Variants in CYTH3 observed in about 807,000 individuals in gnomAD.
CYTH3 encodes cytohesin 3, also known as cytohesin-3.
Under a neutral mutation model 55.1 loss-of-function variants are expected in CYTH3, and 23 were observed. That is an observed-to-expected ratio of 0.42 (90% CI 0.30 to 0.59). The LOEUF is 0.59. CYTH3 is among the 20% of genes least tolerant of loss of function. The pLI, the probability that CYTH3 is intolerant of heterozygous loss-of-function variation, is 0.20. For missense variants in CYTH3, 413 were observed against 524.8 expected, an observed-to-expected ratio of 0.79 and a Z score of 2.08; for synonymous variants, 249 against 194.9, an observed-to-expected ratio of 1.28 and a Z score of -2.31.
In CYTH3 at chr7:6,177,906, C is replaced by G. The variant is rs1445189514; in HGVS notation, c.285G>C (p.Gln95His). 6.2e-7 allele frequency: 1 copy of G among 1,614,156 alleles called. No homozygotes were observed. Among genetic ancestry groups the G allele is most frequent in the East Asian group, 2.2e-5 (1 of 44,884 alleles). The change falls in exon 5 of 13, where the codon CAG becomes CAC. Residue 95 changes from glutamine to histidine, a missense_variant. Around this residue, in one of 4 missense-constraint regions of CYTH3, gnomAD observed 152 missense variants for 148.1 expected, o/e 1.03. Transcript: ENST00000350796. ...IQFLIENDLL[Q>H]SSPEDVAQFL... Reference sequence around the variant, plus strand: ...ACTGGGCGACGTCTTCTGGGGAACTCTGTAGCAGGTCATTTTCTATTAGAA... The same window carrying G: ...ACTGGGCGACGTCTTCTGGGGAACTGTGTAGCAGGTCATTTTCTATTAGAA...
At chr7:6,194,834 G>C (rs1332909455) in intron 1 of CYTH3, among the ~76,000 whole-genome samples, 1 of 152,062 alleles carries the variant, frequency 6.6e-6, no homozygotes, top group African/African-American at 2.4e-5. Context: ...AATTAGCTGG[G>C]TGCCGTGGCG....
At chr7:6,232,674 G>T (rs1779416715) in intron 1 of CYTH3, among the ~76,000 whole-genome samples, 1 of 152,184 alleles carries the variant, frequency 6.6e-6, no homozygotes, top group Non-Finnish European at 1.5e-5. Context: ...AGCAGCCACT[G>T]GGCAACCTCA....
intron 1 of CYTH3, among the ~76,000 whole-genome samples, chr7:6,243,147 TAA>T (rs1779716936): frequency 6.6e-6 from 1 of 152,228 alleles, no homozygotes; most frequent in Admixed American, 6.5e-5. Context: ...CTCTCTGCCC[TAA>T]GTCTGGCCTG....
At chr7:6,188,232 C>G (rs755807093) in intron 2 of CYTH3, among the ~76,000 whole-genome samples, 1 of 151,838 alleles carries the variant, frequency 6.6e-6, no homozygotes, top group Non-Finnish European at 1.5e-5. Context: ...ACTAGAGAGG[C>G]TGAGGAGGGA....
At chr7:6,220,990 C>T (rs1784537318) in intron 1 of CYTH3, among the ~76,000 whole-genome samples, 1 of 150,422 alleles carries the variant, frequency 6.6e-6, no homozygotes, top group African/African-American at 2.4e-5. Context: ...AGTGAGACCC[C>T]TTCTCCAAAA....
chr7:6,247,838 G>A (rs534889171), intron 1 of CYTH3, among the ~76,000 whole-genome samples: 1 of 151,902 alleles, frequency 6.6e-6, no homozygotes, highest in Admixed American at 6.6e-5. Context: ...TTTTTGTAGA[G>A]ACGGAGGGCT....
intron 1 of CYTH3, among the ~76,000 whole-genome samples, chr7:6,264,591 G>A (rs1780438000): frequency 6.6e-6 from 1 of 152,304 alleles, no homozygotes; most frequent in African/African-American, 2.4e-5. Flanking sequence ...CAGCCTGGGT[G>A]ACAGAGTGAG....
chr7:6,168,108 CTCTG>C (rs576085831), intron 9 of CYTH3, among the ~76,000 whole-genome samples: 86 of 152,286 alleles, frequency 5.6e-4, no homozygotes, highest in African/African-American at 2.0e-3. Flanking sequence ...GCCACTTTCT[CTCTG>C]TAAGTTTCTG....
At chr7:6,271,645 C>A (rs1203255050) in intron 1 of CYTH3, among the ~76,000 whole-genome samples, 1 of 152,132 alleles carries the variant, frequency 6.6e-6, no homozygotes, top group Non-Finnish European at 1.5e-5. Context: ...CATTTGTATT[C>A]CACTAAATAA....
At chr7:6,244,536 C>A (rs932412003) in intron 1 of CYTH3, among the ~76,000 whole-genome samples, 8 of 152,332 alleles carry the variant, frequency 5.3e-5, no homozygotes, top group Non-Finnish European at 8.8e-5. Flanking sequence ...ACAATCATGG[C>A]TCACTGCAGC....
intron 1 of CYTH3, among the ~76,000 whole-genome samples, chr7:6,256,588 T>G (rs1780130325): frequency 2.0e-5 from 3 of 152,156 alleles, no homozygotes; most frequent in African/African-American, 7.2e-5. Flanking sequence ...CAGACTCCTC[T>G]CCTGAGAAGG....
Position 6,170,332 on chromosome 7 carries a change from G to A in CYTH3, c.823+203C>T, listed in dbSNP as rs1161831112. Reference sequence around the variant, plus strand: ...TGCAGCCTGGGCGCTACTCTCTGCCGCGGGCATGGCTCTGAGGCCCCGGCT... The same window carrying A: ...TGCAGCCTGGGCGCTACTCTCTGCCACGGGCATGGCTCTGAGGCCCCGGCT... On this transcript the variant is annotated intron_variant, in intron 9 of 12. Transcript: ENST00000350796. The surrounding 1 kb of genome is among the most constrained non-coding windows in gnomAD (Gnocchi z 7.8). 2.1e-5 allele frequency: 12 copies of A among 580,198 alleles called. No homozygotes were observed. The highest frequency in any genetic ancestry group is 1.3e-4 in the South Asian group (6 of 46,710). 35.9% of individuals were successfully genotyped at this position (580,198 alleles called of 1,614,324 possible).
intron 1 of CYTH3, among the ~76,000 whole-genome samples, chr7:6,201,340 C>G (rs887761740): frequency 1.3e-5 from 2 of 152,192 alleles, no homozygotes; most frequent in Non-Finnish European, 2.9e-5. Flanking sequence ...AGGAAAGCCG[C>G]AGAGGCTCCA....
chr7:6,171,154 C>A lies in CYTH3; in HGVS notation c.562+48G>T. On this transcript the variant is annotated intron_variant, in intron 7 of 12. Transcript: ENST00000350796. The surrounding 1 kb of genome is among the most constrained non-coding windows in gnomAD (Gnocchi z 6.7). ...CCCACAGGGGCCGCCCCCTCCAGAG[C>A]TGGAGGCTGTGCCTGGCAAGGGGCC... The A allele has an allele frequency of 1.2e-6, 2 of 1,607,750 alleles. No homozygotes were observed. Among genetic ancestry groups the A allele is most frequent in the South Asian group, 2.2e-5 (2 of 90,930 alleles).
At chr7:6,213,191 G>C (rs1171195961) in intron 1 of CYTH3, among the ~76,000 whole-genome samples, 1 of 152,206 alleles carries the variant, frequency 6.6e-6, no homozygotes. Flanking sequence ...GATATCTGCT[G>C]AATTATCAGA....
At chr7:6,215,400 C>A (rs1784404235) in intron 1 of CYTH3, among the ~76,000 whole-genome samples, 1 of 152,090 alleles carries the variant, frequency 6.6e-6, no homozygotes, top group African/African-American at 2.4e-5. Flanking sequence ...ACCATCCTGG[C>A]TAACACAGTG....
rs1365555279 is a variant in CYTH3, at chr7:6,162,929, C to G, written c.*2015G>C. The G allele has an allele frequency of 6.6e-6, 1 of 152,618 alleles. No individual in the cohort carries two copies. 9.5% of individuals were successfully genotyped at this position (152,618 alleles called of 1,614,324 possible). A position where few individuals can be genotyped will look rare whatever the true frequency, so the allele number is the denominator to read the frequency against. Reference sequence around the variant, plus strand: ...CCGGGCCAGCCTGAGGGGTGGGCACCGCCGGAGCCGGCCGTCAGTGTGTGG... The same window carrying G: ...CCGGGCCAGCCTGAGGGGTGGGCACGGCCGGAGCCGGCCGTCAGTGTGTGG... On this transcript the variant is annotated 3_prime_UTR_variant, in exon 13 of 13. Transcript: ENST00000350796.
chr7:6,165,815 A>C lies in CYTH3; in HGVS notation c.824-5T>G. 2 of 1,613,896 alleles carry C rather than the reference A, an allele frequency of 1.2e-6. No homozygotes were observed. The highest frequency in any genetic ancestry group is 1.7e-6 in the Non-Finnish European group (2 of 1,179,912). ...TCCAGGTCTTCACACGCCCTCCTAGAAGCAGAAGGGCCCCGTGAGTCTGCG... is the reference window on the plus strand; with the variant it reads ...TCCAGGTCTTCACACGCCCTCCTAGCAGCAGAAGGGCCCCGTGAGTCTGCG... On this transcript the variant is annotated splice_polypyrimidine_tract_variant and splice_region_variant and intron_variant, in intron 9 of 12. Transcript: ENST00000350796.
chr7:6,168,966 C>T (rs1783091865), intron 9 of CYTH3, among the ~76,000 whole-genome samples: 1 of 152,326 alleles, frequency 6.6e-6, no homozygotes, highest in South Asian at 2.1e-4. Flanking sequence ...GTTACATTCC[C>T]CCCCACCGGC....
Sources: allele counts gnomAD v4.1 joint callset (sites outside exome capture counted in the v4.1 genomes callset), GRCh38; gene constraint gnomAD v4.1.1; regional missense constraint gnomAD v4.1.1; non-coding constraint Gnocchi (gnomAD v3.1); transcripts MANE v1.5; gene names NCBI Gene and HGNC (gene_info 2026-07-23, HGNC 2026-07-21).